Variants in CYRIA observed in about 807,000 individuals in gnomAD.
The protein encoded by CYRIA is CYFIP related Rac1 interactor A.
CYRIA carries 15 observed loss-of-function variants against 43.9 expected under a neutral mutation model. That is an observed-to-expected ratio of 0.34 (90% CI 0.23 to 0.53). The LOEUF is 0.53. CYRIA is among the 20% of genes least tolerant of loss of function. The pLI is 0.94. For synonymous variants in CYRIA, 117 were observed against 136.0 expected (o/e 0.86, Z 0.97); for missense variants, 236 against 394.2 (o/e 0.60, Z 3.40).
At chr2:16,568,396 T>A (rs1031018816) in intron 3 of CYRIA, among the ~76,000 whole-genome samples, 5 of 152,292 alleles carry the variant, frequency 3.3e-5, no homozygotes, top group African/African-American at 1.2e-4. Context: ...TATTAATCAC[T>A]TTGTATTTTA....
At chr2:16,612,688 G>C (rs995354004) in intron 2 of CYRIA, among the ~76,000 whole-genome samples, 7 of 152,216 alleles carry the variant, frequency 4.6e-5, no homozygotes, top group African/African-American at 1.7e-4. Flanking sequence ...TCAGCTGCAG[G>C]AGGCTGAGCT....
chr2:16,559,971 G>T (rs1666670408), intron 9 of CYRIA, among the ~76,000 whole-genome samples: 1 of 152,172 alleles, frequency 6.6e-6, no homozygotes, highest in South Asian at 2.1e-4. Flanking sequence ...TTTCTACGGA[G>T]CAGCTATCAT....
At chr2:16,641,059 C>A (rs1283691384) in intron 1 of CYRIA, among the ~76,000 whole-genome samples, 1 of 152,174 alleles carries the variant, frequency 6.6e-6, no homozygotes, top group Non-Finnish European at 1.5e-5. Flanking sequence ...CAGTGCCTCA[C>A]ATCCGCCCCC....
At chr2:16,553,329 T>C (rs926720964) in intron 11 of CYRIA, among the ~76,000 whole-genome samples, 5 of 152,116 alleles carry the variant, frequency 3.3e-5, no homozygotes, top group African/African-American at 1.2e-4. Context: ...AACTCACAAA[T>C]TTCAGAATAG....
intron 2 of CYRIA, among the ~76,000 whole-genome samples, chr2:16,609,368 C>T (rs1202758161): frequency 6.6e-6 from 1 of 152,192 alleles, no homozygotes; most frequent in Non-Finnish European, 1.5e-5. Flanking sequence ...AAAAGTCTGA[C>T]ATTAAATATC....
chr2:16,610,914 A>G lies in CYRIA; in HGVS notation c.-11+12950T>C, dbSNP rs1194832226. 9.2e-4 allele frequency among the ~76,000 whole-genome samples: 57 copies of G among 61,960 alleles called. 3 individuals are homozygous for G. Among genetic ancestry groups the G allele is most frequent in the Middle Eastern group, 8.9e-3 (1 of 112 alleles). The allele number at this position is 61,960 out of a possible 152,430, so 40.6% of individuals were successfully genotyped here. ...AGTCCCAACATATATATATATATAT[A>G]TATATATATATATATATATATATCC... On this transcript the variant is annotated intron_variant, in intron 2 of 11. Transcript: ENST00000381323.
chr2:16,631,776 A>G (rs1330125352), intron 1 of CYRIA, among the ~76,000 whole-genome samples: 1 of 152,216 alleles, frequency 6.6e-6, no homozygotes. Context: ...ACGGTATGTT[A>G]CAGAGGTTCT....
intron 1 of CYRIA, among the ~76,000 whole-genome samples, chr2:16,638,790 G>A (rs997458808): frequency 6.6e-6 from 1 of 152,140 alleles, no homozygotes; most frequent in African/African-American, 2.4e-5. Flanking sequence ...GGAGTGTTGT[G>A]TGTGTAGATC....
At chr2:16,557,148 T>C (rs1178985355) in intron 10 of CYRIA, among the ~76,000 whole-genome samples, 3 of 152,186 alleles carry the variant, frequency 2.0e-5, no homozygotes, top group South Asian at 2.1e-4. Context: ...TTTCCTGGCA[T>C]TCACAATTAG....
intron 3 of CYRIA, among the ~76,000 whole-genome samples, chr2:16,570,821 C>G (rs998899210): frequency 3.3e-5 from 5 of 152,166 alleles, no homozygotes; most frequent in African/African-American, 1.2e-4. Flanking sequence ...GTCCTTATTT[C>G]TAGTTGCAGC....
intron 1 of CYRIA, among the ~76,000 whole-genome samples, chr2:16,654,720 A>T (rs1490298088): frequency 6.6e-6 from 1 of 152,228 alleles, no homozygotes; most frequent in Non-Finnish European, 1.5e-5. Flanking sequence ...TGTCTGTGGG[A>T]TGAAAAAATG....
In CYRIA at chr2:16,662,938, G is replaced by A. The variant is rs116347321; in HGVS notation, c.-167+2842C>T. 3.3e-3 allele frequency among the ~76,000 whole-genome samples: 503 copies of A among 152,048 alleles called. 3 individuals carry two copies. The highest frequency in any genetic ancestry group is 0.011 in the African/African-American group (454 of 41,452). On this transcript the variant is annotated intron_variant, in intron 1 of 11. Transcript: ENST00000381323. ...AAAACAGAAATGCTGCTCATTTTTC[G>A]AACCCCTAGTTCCCAAAACTGTATT...
At chr2:16,642,406 T>A (rs183117981) in intron 1 of CYRIA, among the ~76,000 whole-genome samples, 6 of 152,308 alleles carry the variant, frequency 3.9e-5, no homozygotes, top group Admixed American at 3.9e-4. Context: ...CCAAATTCAA[T>A]CTTTCAGAAA....
chr2:16,645,503 G>A (rs565891268), intron 1 of CYRIA, among the ~76,000 whole-genome samples: 24 of 152,274 alleles, frequency 1.6e-4, no homozygotes, highest in Admixed American at 3.3e-4. Context: ...TTTAAAATGC[G>A]GAGTTAGAAT....
chr2:16,560,380 T>C (rs542806809), intron 9 of CYRIA, among the ~76,000 whole-genome samples: 5 of 152,278 alleles, frequency 3.3e-5, no homozygotes, highest in Admixed American at 1.3e-4. Flanking sequence ...TAGATGGCCT[T>C]ATGGGAACTT....
intron 9 of CYRIA, 81 bp from the exon 10 acceptor site, chr2:16,559,667 A>C (rs112138080): frequency 6.6e-7 from 1 of 1,510,896 alleles, no homozygotes; most frequent in African/African-American, 1.4e-5. Flanking sequence ...GATACTTTAG[A>C]TGCCTCCAAT....
At chr2:16,639,697 T>C (rs1669613766) in intron 1 of CYRIA, among the ~76,000 whole-genome samples, 2 of 152,240 alleles carry the variant, frequency 1.3e-5, no homozygotes, top group African/African-American at 4.8e-5. Flanking sequence ...TTGCTGCCAC[T>C]GGGGGGAAGA....
At chr2:16,607,412 G>A (rs1002228311) in intron 2 of CYRIA, among the ~76,000 whole-genome samples, 7 of 152,114 alleles carry the variant, frequency 4.6e-5, no homozygotes, top group Admixed American at 3.9e-4. Context: ...TAGCATAAAC[G>A]CCTGCTAAGC....
At position 16,623,880 on chromosome 2, in the gene CYRIA, T is replaced by C. The variant is rs1428211154; in HGVS notation, c.-27A>G. On this transcript the variant is annotated 5_prime_UTR_variant, in exon 2 of 12. Coordinates refer to ENST00000381323, the MANE Select transcript of CYRIA (RefSeq NM_030797.4). The stretch of plus-strand genomic sequence containing the variant: ...GTTTCTTACCTGGAAATATCTCCTG[T>C]GATTCAGTTTCACCAATCCAGGCTG... 1 of 152,254 alleles carries C rather than the reference T, an allele frequency of 6.6e-6. No individual in the cohort carries two copies. Among genetic ancestry groups the C allele is most frequent in the African/African-American group, 2.4e-5 (1 of 41,472 alleles). 9.4% of individuals were successfully genotyped at this position (152,254 alleles called of 1,614,324 possible).
Sources: gnomAD v4.1 joint callset for allele counts (sites outside exome capture counted in the v4.1 genomes callset) on GRCh38, gnomAD v4.1.1 for gene constraint, MANE v1.5 for transcripts, NCBI Gene and HGNC (gene_info 2026-07-23, HGNC 2026-07-21) for gene names.